Variants in CHRM3 observed in about 807,000 individuals in gnomAD.
CHRM3 encodes muscarinic acetylcholine receptor M3.
CHRM3 carries 11 observed loss-of-function variants against 41.8 expected under a neutral mutation model. The observed-to-expected ratio is 0.26, with a 90% CI of 0.17 to 0.44. The LOEUF (loss-of-function observed/expected upper bound fraction) is 0.44, where lower values mean the gene tolerates loss of function less well. Ranked by LOEUF, CHRM3 falls within the 20% of genes least tolerant of loss-of-function variation. The pLI is 1.00. For synonymous variants in CHRM3, 297 were observed against 301.4 expected (o/e 0.99, Z 0.15); for missense variants, 571 against 745.4 (o/e 0.77, Z 2.72).
rs796978990 is a variant in CHRM3 at position 239,874,305 on chromosome 1, A to ATC, written c.-19-33127_-19-33126insCT. Among the ~76,000 whole-genome samples, 69 of 119,252 alleles carry ATC rather than the reference A, an allele frequency of 5.8e-4. 2 individuals carry two copies. The highest frequency in any genetic ancestry group is 2.1e-3 in the South Asian group (8 of 3,750). The allele number at this position is 119,252 out of a possible 152,430, so 78.2% of individuals were successfully genotyped here. A position where few individuals can be genotyped will look rare whatever the true frequency, so the allele number is the denominator to read the frequency against. On this transcript the variant is annotated intron_variant, in intron 6 of 6. Coordinates refer to ENST00000676153, the MANE Select transcript of CHRM3 (RefSeq NM_001375978.1). ...ACACAGTATATATATATATATATAT[A>ATC]TATATATATATATATATATATACAC...
At chr1:239,417,662 T>G (rs2103080269) in intron 1 of CHRM3, among the ~76,000 whole-genome samples, 1 of 151,144 alleles carries the variant, frequency 6.6e-6, no homozygotes, top group Non-Finnish European at 1.5e-5. Context: ...GTGTTCAGAT[T>G]ATTCTTAACT....
At chr1:239,740,198 G>A (rs996550742) in intron 5 of CHRM3, among the ~76,000 whole-genome samples, 2 of 151,986 alleles carry the variant, frequency 1.3e-5, no homozygotes, top group African/African-American at 2.4e-5. Flanking sequence ...ATAATACAAC[G>A]GAATAGGATA....
chr1:239,507,519 C>T lies in CHRM3; in HGVS notation c.-422+14712C>T, dbSNP rs567123493. On this transcript the variant is annotated intron_variant, in intron 2 of 6. Coordinates refer to ENST00000676153, the MANE Select transcript of CHRM3 (RefSeq NM_001375978.1). ...CTTTCTTTTGTAAATTGCCTCATCT[C>T]AGTTATGTCCTTAGCAGCAGCATGA... Among the ~76,000 whole-genome samples the T allele has an allele frequency of 2.0e-4, 31 of 152,300 alleles. No individual in the cohort carries two copies. In the East Asian group the frequency reaches 5.8e-3, roughly 28 times the overall value.
intron 5 of CHRM3, among the ~76,000 whole-genome samples, chr1:239,806,017 T>G (rs1670612781): frequency 6.6e-6 from 1 of 152,162 alleles, no homozygotes; most frequent in South Asian, 2.1e-4. Flanking sequence ...TTTTGAAAGC[T>G]TTTGATTCCC....
At chr1:239,879,114 T>C (rs1431700591) in intron 6 of CHRM3, among the ~76,000 whole-genome samples, 1 of 152,162 alleles carries the variant, frequency 6.6e-6, no homozygotes, top group Admixed American at 6.5e-5. Flanking sequence ...AGGTCTAGGA[T>C]GGGGCCCAAG....
At chr1:239,651,979 G>GT (rs1444442089) in intron 4 of CHRM3, among the ~76,000 whole-genome samples, 5 of 92,762 alleles carry the variant, frequency 5.4e-5, no homozygotes, top group African/African-American at 8.8e-5. Flanking sequence ...TATTTCGCCA[G>GT]TTTTTGTTTT....
At chr1:239,565,494 A>G (rs1383176567) in intron 3 of CHRM3, among the ~76,000 whole-genome samples, 1 of 152,176 alleles carries the variant, frequency 6.6e-6, no homozygotes, top group Non-Finnish European at 1.5e-5. Flanking sequence ...CAATTATTGA[A>G]GTCATACTAT....
chr1:239,639,898 G>C (rs1225333607), intron 4 of CHRM3, among the ~76,000 whole-genome samples: 4 of 147,178 alleles, frequency 2.7e-5, no homozygotes, highest in Non-Finnish European at 6.0e-5. Context: ...TTGGCTGTGG[G>C]TTTGTCATAG....
chr1:239,807,103 A>C (rs190221987), intron 5 of CHRM3, among the ~76,000 whole-genome samples: 2 of 152,328 alleles, frequency 1.3e-5, no homozygotes, highest in Admixed American at 1.3e-4. Flanking sequence ...TGATTTGACA[A>C]ATATTTTCTT....
At chr1:239,688,634 AAT>A (rs1234547417) in intron 5 of CHRM3, among the ~76,000 whole-genome samples, 1 of 133,916 alleles carries the variant, frequency 7.5e-6, no homozygotes, top group African/African-American at 2.8e-5. Context: ...TATAATACAT[AAT>A]ATATATAATA....
intron 5 of CHRM3, among the ~76,000 whole-genome samples, chr1:239,752,541 A>G (rs960433619): frequency 4.6e-5 from 7 of 152,228 alleles, no homozygotes; most frequent in South Asian, 2.1e-4. Context: ...ATTACATAAT[A>G]TTAGCTTGTT....
At chr1:239,611,391 G>A (rs1228278114) in intron 3 of CHRM3, among the ~76,000 whole-genome samples, 1 of 147,636 alleles carries the variant, frequency 6.8e-6, no homozygotes, top group African/African-American at 2.5e-5. Context: ...ATTAAACACT[G>A]ACCAAATCCA....
chr1:239,828,397 T>G (rs1672635607), intron 6 of CHRM3, among the ~76,000 whole-genome samples: 1 of 152,094 alleles, frequency 6.6e-6, no homozygotes, highest in South Asian at 2.1e-4. Flanking sequence ...CAGGTGTATA[T>G]ATACACACAC....
At chr1:239,574,569 C>T (rs971655824) in intron 3 of CHRM3, among the ~76,000 whole-genome samples, 2 of 152,158 alleles carry the variant, frequency 1.3e-5, no homozygotes, top group Non-Finnish European at 2.9e-5. Flanking sequence ...TTCCTTCCTC[C>T]TGCATCCAGG....
chr1:239,648,488 C>A (rs769697718), intron 4 of CHRM3, among the ~76,000 whole-genome samples: 3 of 152,124 alleles, frequency 2.0e-5, no homozygotes, highest in Non-Finnish European at 4.4e-5. Context: ...AGAGAATAAG[C>A]AGTTGGATGC....
intron 1 of CHRM3, among the ~76,000 whole-genome samples, chr1:239,489,375 T>C (rs1419515228): frequency 6.6e-6 from 1 of 151,780 alleles, no homozygotes; most frequent in Non-Finnish European, 1.5e-5. Context: ...ATCGCGCCAT[T>C]GCACTCCAGC....
chr1:239,391,006 C>T (rs910199302), intron 1 of CHRM3, among the ~76,000 whole-genome samples: 4 of 152,034 alleles, frequency 2.6e-5, no homozygotes, highest in African/African-American at 9.7e-5. Context: ...GGCATGGTGG[C>T]GTGCACCTGT....
chr1:239,476,253 T>C (rs1666460753), intron 1 of CHRM3, among the ~76,000 whole-genome samples: 1 of 151,900 alleles, frequency 6.6e-6, no homozygotes, highest in Non-Finnish European at 1.5e-5. Context: ...ATCACCTGAG[T>C]TCAGGAGTTC....
At chr1:239,468,606 A>G (rs1218697607) in intron 1 of CHRM3, among the ~76,000 whole-genome samples, 2 of 152,192 alleles carry the variant, frequency 1.3e-5, no homozygotes, top group African/African-American at 4.8e-5. Context: ...GGTGCACTCA[A>G]GTATTTAGAG....
Sources: gnomAD v4.1 joint callset for allele counts (sites outside exome capture counted in the v4.1 genomes callset) on GRCh38, gnomAD v4.1.1 for gene constraint, MANE v1.5 for transcripts, NCBI Gene and HGNC (gene_info 2026-07-23, HGNC 2026-07-21) for gene names.